SH3KBP1: variants seen among roughly 807,000 people sequenced by gnomAD.
SH3KBP1 encodes the protein SH3 domain-containing kinase-binding protein 1.
Under a neutral mutation model 50.1 loss-of-function variants are expected in SH3KBP1, and 8 were observed. The ratio of observed to expected loss-of-function variants is 0.16; its 90% CI spans 0.09 to 0.29. The LOEUF is 0.29. Among genes scored for constraint, SH3KBP1 ranks in the 10% least tolerant of loss-of-function variants. SH3KBP1 has a pLI of 1.00. For missense variants in SH3KBP1, 377 were observed against 535.2 expected, an observed-to-expected ratio of 0.70 and a Z score of 2.92; for synonymous variants, 227 against 218.6, an observed-to-expected ratio of 1.04 and a Z score of -0.34.
At chrX:19,793,528 A>T (rs746858863) in intron 2 of SH3KBP1, among the ~76,000 whole-genome samples, 4 of 110,012 alleles carry the variant, frequency 3.6e-5, no homozygotes, top group Non-Finnish European at 5.7e-5. Flanking sequence ...CCCACCTCTG[A>T]GTGCACAAGA....
chrX:19,766,584 A>G (rs1250981526), intron 2 of SH3KBP1, among the ~76,000 whole-genome samples: 2 of 90,975 alleles, frequency 2.2e-5, no homozygotes, highest in African/African-American at 8.9e-5. Context: ...GGCTCACCGC[A>G]AGCTCCGCCT....
intron 6 of SH3KBP1, among the ~76,000 whole-genome samples, chrX:19,646,311 A>C (rs978791362): frequency 8.9e-6 from 1 of 112,255 alleles, no homozygotes; most frequent in Non-Finnish European, 1.9e-5. Flanking sequence ...ATCTCTGCCT[A>C]AAGATGTTCC....
chrX:19,876,954 T>C (rs1011160174), intron 1 of SH3KBP1, among the ~76,000 whole-genome samples: 4 of 110,622 alleles, frequency 3.6e-5, no homozygotes, highest in African/African-American at 1.3e-4. Context: ...ACCTCACTTT[T>C]CCCCCCACAA....
chrX:19,856,249 C>T (rs1435881766), intron 1 of SH3KBP1, among the ~76,000 whole-genome samples: 3 of 111,929 alleles, frequency 2.7e-5, no homozygotes, highest in African/African-American at 9.7e-5. Context: ...ATGCTCCTAG[C>T]TTGCTTCTAA....
At chrX:19,592,371 G>C (rs770511442) in intron 10 of SH3KBP1, among the ~76,000 whole-genome samples, 5 of 111,517 alleles carry the variant, frequency 4.5e-5, no homozygotes, top group African/African-American at 1.6e-4. Context: ...TAATTTACAA[G>C]AATACCACTA....
At position 19,788,359 on chromosome X, in the gene SH3KBP1, T is replaced by C. The variant is rs113386007; in HGVS notation, c.163-41918A>G. ...ACACAGGGAGAATGCCATGTGAAGA[T>C]GAAGACAGAGACTGGGGTGATGTGT... On this transcript the variant is annotated intron_variant, in intron 2 of 17. Coordinates refer to ENST00000397821, the MANE Select transcript of SH3KBP1 (RefSeq NM_031892.3). Among the ~76,000 whole-genome samples, 362 of 107,211 alleles carry C rather than the reference T, an allele frequency of 3.4e-3. 2 individuals are homozygous for C. The highest frequency in any genetic ancestry group is 0.012 in the African/African-American group (342 of 28,895). 93.1% of individuals were successfully genotyped at this position (107,211 alleles called of 115,157 possible). A position where few individuals can be genotyped will look rare whatever the true frequency, so the allele number is the denominator to read the frequency against.
At chrX:19,661,389 G>A (rs1281679639) in intron 6 of SH3KBP1, among the ~76,000 whole-genome samples, 2 of 111,099 alleles carry the variant, frequency 1.8e-5, no homozygotes, top group African/African-American at 3.3e-5. Context: ...TATATAATGC[G>A]AAGTGGAAAA....
chrX:19,841,742 A>C (rs975054274), intron 1 of SH3KBP1, among the ~76,000 whole-genome samples: 10 of 109,744 alleles, frequency 9.1e-5, no homozygotes, highest in South Asian at 4.0e-4. Flanking sequence ...GAGGCCTAGA[A>C]GGTTCCATGA....
intron 3 of SH3KBP1, among the ~76,000 whole-genome samples, chrX:19,742,563 T>TG (rs1370271377): frequency 4.5e-5 from 5 of 111,129 alleles, no homozygotes; most frequent in African/African-American, 1.6e-4. Context: ...AATGCGTTTT[T>TG]TTTGTTTGTT....
rs1465841888 is a variant in SH3KBP1 at position 19,550,055 on chromosome X, T to C, written c.1413A>G (p.Ser471=). ...TCGGATGACTGAGTTTCTCAGTAGA[T>C]GATACCACGGAGTCAAAACCTTCTA... ...IDLEGFDSVV[S]STEKLSHPTT... is the part of the protein sequence containing the mutation. The change falls in exon 14 of 18, where the codon TCA becomes TCG. Residue 471 remains serine, a synonymous_variant. Coordinates refer to ENST00000397821, the MANE Select transcript of SH3KBP1 (RefSeq NM_031892.3). 81 of 1,206,255 alleles carry C rather than the reference T, an allele frequency of 6.7e-5. No homozygotes were observed. Among genetic ancestry groups the C allele is most frequent in the Non-Finnish European group, 9.1e-5 (81 of 892,945 alleles).
intron 13 of SH3KBP1, 56 bp downstream of exon 13, chrX:19,569,047 C>T: frequency 3.9e-6 from 4 of 1,037,159 alleles, no homozygotes; most frequent in Non-Finnish European, 5.4e-6. Flanking sequence ...GCAAGCCAGG[C>T]TCTGAGGTTC....
intron 16 of SH3KBP1, among the ~76,000 whole-genome samples, chrX:19,541,029 C>G (rs1602395279): frequency 9.0e-6 from 1 of 111,112 alleles, no homozygotes; most frequent in Admixed American, 9.5e-5. Flanking sequence ...ATTCTCCTGC[C>G]TCAGCCTCCC....
chrX:19,631,786 G>T, intron 8 of SH3KBP1, 78 bp downstream of exon 8: 1 of 569,453 alleles, frequency 1.8e-6, no homozygotes, highest in Non-Finnish European at 2.8e-6. Context: ...TTCAAGCGCT[G>T]AAGCAAAAGC....
At chrX:19,675,134 T>G (rs1220993818) in intron 6 of SH3KBP1, among the ~76,000 whole-genome samples, 1 of 110,845 alleles carries the variant, frequency 9.0e-6, no homozygotes, top group African/African-American at 3.3e-5. Flanking sequence ...GAAAATGTAC[T>G]GTCATTTATA....
intron 4 of SH3KBP1, among the ~76,000 whole-genome samples, chrX:19,705,723 G>C (rs986424834): frequency 1.8e-5 from 2 of 111,467 alleles, no homozygotes; most frequent in Non-Finnish European, 3.8e-5. Flanking sequence ...TACTGTGGAT[G>C]TCAACTGGTG....
chrX:19,617,364 T>C (rs370724995), intron 8 of SH3KBP1, among the ~76,000 whole-genome samples: 4 of 112,214 alleles, frequency 3.6e-5, no homozygotes, highest in African/African-American at 9.7e-5. Flanking sequence ...AACCCCAAGT[T>C]ATATATTCCC....
rs1175147558 is a variant in SH3KBP1, at chrX:19,711,855, T to C, written c.287-4871A>G. 1.8e-4 allele frequency among the ~76,000 whole-genome samples: 20 copies of C among 111,476 alleles called. No individual in the cohort carries two copies. In the Admixed American group the frequency reaches 1.8e-3, roughly 10 times the overall value. ...TTACTTCTGGCATTTTCTACAGGTA[T>C]GGCCTGGGGACCACCTGCACCAGAC... On this transcript the variant is annotated intron_variant, in intron 3 of 17. Coordinates refer to ENST00000397821, the MANE Select transcript of SH3KBP1 (RefSeq NM_031892.3).
chrX:19,794,225 C>T (rs1160806145), intron 2 of SH3KBP1, among the ~76,000 whole-genome samples: 2 of 84,763 alleles, frequency 2.4e-5, no homozygotes, highest in Non-Finnish European at 4.4e-5. Context: ...GAAACCCTGT[C>T]TCTACAAAAA....
At position 19,535,239 on chromosome X, in the gene SH3KBP1, G is replaced by A; in HGVS notation, c.*1178C>T. 1 of 265,281 alleles carries A rather than the reference G, an allele frequency of 3.8e-6. No individual in the cohort carries two copies. Among genetic ancestry groups the A allele is most frequent in the Non-Finnish European group, 6.7e-6 (1 of 149,734 alleles). The allele number at this position is 265,281 out of a possible 1,213,427, so 21.9% of individuals were successfully genotyped here. A position where few individuals can be genotyped will look rare whatever the true frequency, so the allele number is the denominator to read the frequency against. Reference sequence around the variant, plus strand: ...GGAAAGAAAAAGCAACTCCATAAATGCAAGAAAGTTCCAGTGGCTACACTT... The same window carrying A: ...GGAAAGAAAAAGCAACTCCATAAATACAAGAAAGTTCCAGTGGCTACACTT... On this transcript the variant is annotated 3_prime_UTR_variant, in exon 18 of 18. Coordinates refer to ENST00000397821, the MANE Select transcript of SH3KBP1 (RefSeq NM_031892.3).
Sources: gnomAD v4.1 joint callset for allele counts (sites outside exome capture counted in the v4.1 genomes callset) on GRCh38, gnomAD v4.1.1 for gene constraint, MANE v1.5 for transcripts, NCBI Gene and HGNC (gene_info 2026-07-23, HGNC 2026-07-21) for gene names.